The following AMPH variants were observed in gnomAD, a reference collection of about 807,000 sequenced individuals.
AMPH encodes amphiphysin, also known as amphiphysin (Stiff-Mann syndrome with breast cancer 128kD autoantigen).
Under a neutral mutation model 99.1 loss-of-function variants are expected in AMPH, and 49 were observed. That is an observed-to-expected ratio of 0.49 (90% confidence interval 0.39 to 0.63). The LOEUF (loss-of-function observed/expected upper bound fraction) is 0.63. Among genes scored for constraint, AMPH ranks in the 20% least tolerant of loss-of-function variants. The pLI is 0.00. For synonymous variants in AMPH, 314 were observed against 317.3 expected, an observed-to-expected ratio of 0.99 and a Z score of 0.11; for missense variants, 759 against 863.4, an observed-to-expected ratio of 0.88 and a Z score of 1.52.
rs776892631 is a variant in AMPH at position 38,503,698 on chromosome 7, C to A, written c.157G>T (p.Gly53Cys). The A allele has an allele frequency of 3.1e-6, 5 of 1,613,884 alleles. No individual in the cohort carries two copies. Among genetic ancestry groups the A allele is most frequent in the Non-Finnish European group, 3.4e-6 (4 of 1,179,914 alleles). ...VQNFKRQEAEGTRLQRELRGY... is the reference protein window; with the variant it reads ...VQNFKRQEAECTRLQRELRGY... ...CGGAGTTCTCGCTGAAGTCTGGTAC[C>A]CTCTGCCTAAAAAACACAAGCACAG... The change falls in exon 3 of 21, where the codon GGT (glycine) becomes TGT (cysteine). Residue 53 changes from glycine (G) to cysteine (C), a missense_variant. By Grantham distance (159) the Gly-to-Cys change is radical. Transcript: ENST00000356264.
chr7:38,543,529 T>G (rs1018028907), intron 1 of AMPH, among the ~76,000 whole-genome samples: 3 of 152,198 alleles, frequency 2.0e-5, no homozygotes, highest in African/African-American at 7.2e-5. Context: ...CTATGGAAAT[T>G]TACAATATAT....
chr7:38,595,835 G>A (rs1195713652), intron 1 of AMPH, among the ~76,000 whole-genome samples: 1 of 152,162 alleles, frequency 6.6e-6, no homozygotes, highest in East Asian at 1.9e-4. Flanking sequence ...TTCTGTTCCT[G>A]CATTAATCCC....
At chr7:38,587,864 G>A (rs1232132009) in intron 1 of AMPH, among the ~76,000 whole-genome samples, 1 of 151,804 alleles carries the variant, frequency 6.6e-6, no homozygotes, top group Non-Finnish European at 1.5e-5. Flanking sequence ...TGGGTGATCA[G>A]CTAGGCTCCA....
intron 11 of AMPH, among the ~76,000 whole-genome samples, chr7:38,447,261 C>T (rs989865055): frequency 1.1e-4 from 17 of 152,264 alleles, no homozygotes; most frequent in South Asian, 6.2e-4. Context: ...TCAGGTGATC[C>T]GCTCACCTTG....
At chr7:38,463,251 T>C in intron 9 of AMPH, 138 bp from the exon 10 acceptor site, 1 of 1,140,034 alleles carries the variant, frequency 8.8e-7, no homozygotes, top group Non-Finnish European at 1.3e-6. Context: ...AGGTTAATTC[T>C]GGTTAATTGC....
At chr7:38,619,748 G>T (rs144500470) in intron 1 of AMPH, among the ~76,000 whole-genome samples, 110 of 152,266 alleles carry the variant, frequency 7.2e-4, no homozygotes, top group Middle Eastern at 6.8e-3. Flanking sequence ...ACATCCCCAG[G>T]AGAGCCCTAC....
At chr7:38,570,700 C>T (rs921717098) in intron 1 of AMPH, among the ~76,000 whole-genome samples, 6 of 133,750 alleles carry the variant, frequency 4.5e-5, no homozygotes, top group South Asian at 4.6e-4. Flanking sequence ...GAATTCCCAT[C>T]GATTAAAAAA....
intron 1 of AMPH, among the ~76,000 whole-genome samples, chr7:38,621,614 C>CAT (rs902502206): frequency 2.0e-5 from 3 of 152,034 alleles, no homozygotes; most frequent in African/African-American, 7.2e-5. Context: ...AGGGAAAAAT[C>CAT]ATATATATAT....
intron 1 of AMPH, among the ~76,000 whole-genome samples, chr7:38,559,198 C>A (rs966204557): frequency 5.9e-5 from 9 of 152,192 alleles, no homozygotes; most frequent in African/African-American, 1.9e-4. Context: ...CCCAGCAGGC[C>A]CACTACTGAA....
At chr7:38,620,029 A>G (rs1793998474) in intron 1 of AMPH, among the ~76,000 whole-genome samples, 1 of 152,184 alleles carries the variant, frequency 6.6e-6, no homozygotes, top group Non-Finnish European at 1.5e-5. Context: ...AGATCCTCCC[A>G]AGGTTTGGAC....
rs1196548566 is a variant in AMPH at position 38,391,641 on chromosome 7, G to A, written c.1878+107C>T. 1.4e-5 allele frequency: 17 copies of A among 1,175,880 alleles called. No homozygotes were observed. In the East Asian group the frequency reaches 3.5e-4, roughly 24 times the overall value. The allele number at this position is 1,175,880 out of a possible 1,614,324, so 72.8% of individuals were successfully genotyped here. Reference sequence around the variant, plus strand: ...TGTGGTGAAGGGAAAGCAGTTCACAGAAATAATAATTGCAAAAAGTAAAAG... The same window carrying A: ...TGTGGTGAAGGGAAAGCAGTTCACAAAAATAATAATTGCAAAAAGTAAAAG... On this transcript the variant is annotated intron_variant, in intron 19 of 20. Transcript: ENST00000356264.
chr7:38,417,933 A>G lies in AMPH; in HGVS notation c.1290T>C (p.Ala430=). 1 of 1,614,058 alleles carries G rather than the reference A, an allele frequency of 6.2e-7. No homozygotes were observed. Among genetic ancestry groups the G allele is most frequent in the Non-Finnish European group, 8.5e-7 (1 of 1,179,940 alleles). The part of the protein sequence containing the change: ...MICNLAESEQ[A]PPTEPKAEEP... ...CCTCTGCTTTTGGCTCTGTGGGTGG[A>G]GCCTGTTCAGATTCAGCCTTGGAGT... is the stretch of plus-strand genomic sequence containing the variant. The change falls in exon 17 of 21, where the codon GCT becomes GCC. Residue 430 remains alanine (A), a synonymous_variant. Coordinates refer to ENST00000356264, the MANE Select transcript of AMPH (RefSeq NM_001635.4).
At chr7:38,433,553 G>A (rs10269686) in intron 12 of AMPH, among the ~76,000 whole-genome samples, 37,122 of 147,226 alleles carry the variant, frequency 0.25, 4,899 homozygotes, top group East Asian at 0.38. Context: ...GTGAAACCCC[G>A]TCTCTACTAA....
intron 1 of AMPH, among the ~76,000 whole-genome samples, chr7:38,572,454 C>T (rs1234167281): frequency 6.6e-6 from 1 of 152,170 alleles, no homozygotes; most frequent in Non-Finnish European, 1.5e-5. Flanking sequence ...ACGATTTCTC[C>T]TCATTTTACC....
At chr7:38,601,929 G>T (rs951368563) in intron 1 of AMPH, among the ~76,000 whole-genome samples, 2 of 152,118 alleles carry the variant, frequency 1.3e-5, no homozygotes, top group Non-Finnish European at 2.9e-5. Flanking sequence ...ACTACCGAAG[G>T]CCTGTGTATT....
chr7:38,384,989 T>G (rs1784312141), intron 20 of AMPH, 64 bp from the exon 21 acceptor site: 16 of 1,376,816 alleles, frequency 1.2e-5, no homozygotes, highest in African/African-American at 4.3e-5. Flanking sequence ...ACTGCCACAA[T>G]TAATTAATAA....
Position 38,476,972 on chromosome 7 carries a change from G to A in AMPH, c.397-3C>T, listed in dbSNP as rs1751902510. The A allele has an allele frequency of 6.2e-7, 1 of 1,612,964 alleles. No individual in the cohort carries two copies. Among genetic ancestry groups the A allele is most frequent in the Non-Finnish European group, 8.5e-7 (1 of 1,179,232 alleles). On this transcript the variant is annotated splice_polypyrimidine_tract_variant and splice_region_variant and intron_variant, in intron 5 of 20. Coordinates refer to ENST00000356264, the MANE Select transcript of AMPH (RefSeq NM_001635.4). ...CTGCTGCGCTTGGCGATGCGATTCT[G>A]TCAACAGGAAATGCACTCACTAAGA...
intron 1 of AMPH, among the ~76,000 whole-genome samples, chr7:38,613,245 A>G (rs1793747820): frequency 6.6e-6 from 1 of 152,196 alleles, no homozygotes; most frequent in Non-Finnish European, 1.5e-5. Context: ...CTAGCATTTC[A>G]GCTTATATTT....
chr7:38,388,756 C>T (rs1000944833), intron 20 of AMPH, among the ~76,000 whole-genome samples: 23 of 152,130 alleles, frequency 1.5e-4, no homozygotes, highest in African/African-American at 5.5e-4. Flanking sequence ...CCTCCCATGT[C>T]AGCTTTTTGA....
Sources: gnomAD v4.1 joint callset for allele counts (sites outside exome capture counted in the v4.1 genomes callset) on GRCh38, gnomAD v4.1.1 for gene constraint, MANE v1.5 for transcripts, NCBI Gene and HGNC (gene_info 2026-07-23, HGNC 2026-07-21) for gene names.